Variants in STXBP5L observed in about 807,000 individuals in gnomAD.
The protein encoded by STXBP5L is syntaxin-binding protein 5-like.
In STXBP5L, 65 loss-of-function variants were observed where a neutral mutation model predicts 144.5. The ratio of observed to expected loss-of-function variants is 0.45; its 90% confidence interval spans 0.37 to 0.55. The LOEUF (loss-of-function observed/expected upper bound fraction) is 0.55. STXBP5L is among the 20% of genes least tolerant of loss of function. The pLI is 0.00. For missense variants in STXBP5L, 1,298 were observed against 1,405.5 expected, an observed-to-expected ratio of 0.92 and a Z score of 1.22; for synonymous variants, 505 against 469.6, an observed-to-expected ratio of 1.08 and a Z score of -0.97.
intron 9 of STXBP5L, among the ~76,000 whole-genome samples, chr3:121,183,646 GA>G (rs552427625): frequency 8.0e-5 from 12 of 149,776 alleles, no homozygotes; most frequent in Non-Finnish European, 1.8e-4. Flanking sequence ...AGGAAAGAAA[GA>G]AAAAAGAAAG....
intron 19 of STXBP5L, among the ~76,000 whole-genome samples, chr3:121,313,760 CG>C (rs1196417488): frequency 7.4e-6 from 1 of 135,784 alleles, no homozygotes; most frequent in Non-Finnish European, 1.6e-5. Flanking sequence ...CCCTCCCGGA[CG>C]GGGTGGCTGC....
chr3:121,372,425 G>A (rs1202608837), intron 20 of STXBP5L, among the ~76,000 whole-genome samples: 3 of 152,146 alleles, frequency 2.0e-5, no homozygotes, highest in Admixed American at 2.0e-4. Flanking sequence ...GCGCTAGCTG[G>A]AGTTCTTTCC....
At chr3:120,989,830 C>G (rs1437210015) in intron 3 of STXBP5L, among the ~76,000 whole-genome samples, 1 of 151,776 alleles carries the variant, frequency 6.6e-6, no homozygotes, top group Non-Finnish European at 1.5e-5. Context: ...ACCTAATATC[C>G]ATATACCCAC....
chr3:120,910,338 T>G (rs1477652822), intron 2 of STXBP5L, among the ~76,000 whole-genome samples: 1 of 152,230 alleles, frequency 6.6e-6, no homozygotes, highest in Non-Finnish European at 1.5e-5. Flanking sequence ...TCTGGTTTAG[T>G]AAGAAAACAT....
intron 5 of STXBP5L, among the ~76,000 whole-genome samples, chr3:121,088,859 G>T: frequency 1.9e-5 from 1 of 53,194 alleles, no homozygotes. Flanking sequence ...ACCAAACACC[G>T]CATATTCTCA....
rs899094769 is a variant in STXBP5L, at chr3:121,245,812, GAAAC to G, written c.1401-4905_1401-4902del. Among the ~76,000 whole-genome samples, 80 of 152,120 alleles carry G rather than the reference GAAAC, an allele frequency of 5.3e-4. 1 individual carries two copies. The highest frequency in any genetic ancestry group is 1.9e-3 in the African/African-American group (77 of 41,512). On this transcript the variant is annotated intron_variant, in intron 14 of 26. Coordinates refer to ENST00000471454, the MANE Select transcript of STXBP5L (RefSeq NM_001308330.2). ...TGAAGCAAACATTGACAAAATTGAA[GAAAC>G]AAACAGAATAACACAATAATAGTAA...
intron 3 of STXBP5L, among the ~76,000 whole-genome samples, chr3:121,021,891 C>T (rs557148352): frequency 6.6e-6 from 1 of 152,104 alleles, no homozygotes; most frequent in African/African-American, 2.4e-5. Flanking sequence ...CAAACCCAAA[C>T]CCAGCAGAAG....
chr3:120,976,003 C>T (rs1404772466), intron 3 of STXBP5L, among the ~76,000 whole-genome samples: 2 of 146,782 alleles, frequency 1.4e-5, no homozygotes, highest in Non-Finnish European at 3.0e-5. Flanking sequence ...GTCTAAAATT[C>T]TCTTTTTTTT....
intron 5 of STXBP5L, among the ~76,000 whole-genome samples, chr3:121,056,968 C>G (rs909325311): frequency 4.0e-5 from 6 of 149,500 alleles, no homozygotes; most frequent in African/African-American, 1.5e-4. Context: ...GGGAAAAAAG[C>G]GAGACAAAAT....
intron 3 of STXBP5L, among the ~76,000 whole-genome samples, chr3:120,962,135 G>T (rs80345370): frequency 0.099 from 15,033 of 151,842 alleles, 1,151 homozygotes; most frequent in Admixed American, 0.2. Context: ...GTTTTTTTCT[G>T]GTAAATTTTT....
At chr3:121,112,638 T>A (rs941672413) in intron 5 of STXBP5L, among the ~76,000 whole-genome samples, 1 of 152,066 alleles carries the variant, frequency 6.6e-6, no homozygotes, top group African/African-American at 2.4e-5. Context: ...ATACTTTTTT[T>A]ATAAAGAGTT....
chr3:121,349,921 G>A (rs1301623038), intron 20 of STXBP5L, among the ~76,000 whole-genome samples: 1 of 152,078 alleles, frequency 6.6e-6, no homozygotes, highest in Non-Finnish European at 1.5e-5. Flanking sequence ...CAATTTGCCA[G>A]TCTGTGTCTT....
intron 15 of STXBP5L, among the ~76,000 whole-genome samples, chr3:121,252,419 A>G (rs2108366448): frequency 6.6e-6 from 1 of 152,104 alleles, no homozygotes; most frequent in Non-Finnish European, 1.5e-5. Context: ...AATTTAGAGG[A>G]CACTTTAACA....
At position 121,319,524 on chromosome 3, in the gene STXBP5L, A is replaced by C. The variant is rs977922169; in HGVS notation, c.2176+984A>C. Among the ~76,000 whole-genome samples the C allele has an allele frequency of 2.0e-5, 3 of 152,076 alleles. No homozygotes were observed. The South Asian group carries it at 6.2e-4, about 32-fold the overall frequency. The stretch of plus-strand genomic sequence containing the variant: ...ATTTTTCTCTTAGTCATATATTTTT[A>C]ATTCTTATTTTACTGATCTTATTGT... On this transcript the variant is annotated intron_variant, in intron 20 of 26. Transcript: ENST00000471454.
chr3:121,004,028 T>C (rs1944028585), intron 3 of STXBP5L, among the ~76,000 whole-genome samples: 1 of 152,100 alleles, frequency 6.6e-6, no homozygotes, highest in Non-Finnish European at 1.5e-5. Context: ...GACTTGGCAA[T>C]GCAGGCTCTT....
chr3:121,197,200 A>G (rs1190382673), intron 9 of STXBP5L, among the ~76,000 whole-genome samples: 2 of 151,944 alleles, frequency 1.3e-5, no homozygotes, highest in African/African-American at 4.8e-5. Flanking sequence ...TTTCCATGTT[A>G]TGTCCTTTTT....
intron 5 of STXBP5L, among the ~76,000 whole-genome samples, chr3:121,078,487 A>G (rs113977373): frequency 0.13 from 19,107 of 152,312 alleles, 1,577 homozygotes; most frequent in Non-Finnish European, 0.19. Flanking sequence ...ATCCTGCACC[A>G]GGGCCGCAGG....
intron 3 of STXBP5L, among the ~76,000 whole-genome samples, chr3:121,027,644 GT>G (rs1191830039): frequency 3.3e-5 from 5 of 151,714 alleles, no homozygotes; most frequent in African/African-American, 1.2e-4. Context: ...GTCTTTTTTT[GT>G]TTGTTTTTTT....
At chr3:121,334,780 C>G (rs2044446816) in intron 20 of STXBP5L, among the ~76,000 whole-genome samples, 1 of 152,030 alleles carries the variant, frequency 6.6e-6, no homozygotes, top group South Asian at 2.1e-4. Context: ...GTTAAAAGCT[C>G]TCAACATACT....
Sources: gnomAD v4.1 joint callset for allele counts (sites outside exome capture counted in the v4.1 genomes callset) on GRCh38, gnomAD v4.1.1 for gene constraint, MANE v1.5 for transcripts, NCBI Gene and HGNC (gene_info 2026-07-23, HGNC 2026-07-21) for gene names.